Variants in OR1D2 observed in about 807,000 individuals in gnomAD.
The protein encoded by OR1D2 is olfactory receptor 1D2.
For missense variants in OR1D2, 357 were observed against 376.1 expected (o/e 0.95, Z 0.42); for synonymous variants, 157 against 153.9 (o/e 1.02, Z -0.15).
rs957090812 is a variant in OR1D2 at position 3,088,780 on chromosome 17, G to C, written c.*3278C>G. ...CTTTAACTACCAGGCCCAGGGCGTG[G>C]TGACAGGCTGTCTGCCTTTAGATTT... On this transcript the variant is annotated 3_prime_UTR_variant, in exon 2 of 2. Coordinates refer to ENST00000641833, the MANE Select transcript of OR1D2 (RefSeq NM_002548.3). 6.6e-6 allele frequency: 1 copy of C among 152,172 alleles called. No homozygotes were observed. The highest frequency in any genetic ancestry group is 1.5e-5 in the Non-Finnish European group (1 of 68,042). The allele number at this position is 152,172 out of a possible 1,614,324, so 9.4% of individuals were successfully genotyped here.
chr17:3,093,031 A>C lies in OR1D2; in HGVS notation c.-35T>G. On this transcript the variant is annotated 5_prime_UTR_variant, in exon 2 of 2. Coordinates refer to ENST00000641833, the MANE Select transcript of OR1D2 (RefSeq NM_002548.3). ...TCTCTTTTAACATTAACACCAGCAA[A>C]TGTTTACCAAAAGTCCTTAATTGAA... 2 of 1,582,236 alleles carry C rather than the reference A, an allele frequency of 1.3e-6. No homozygotes were observed. The highest frequency in any genetic ancestry group is 1.7e-6 in the Non-Finnish European group (2 of 1,157,572).
Position 3,098,148 on chromosome 17 carries a change from G to A in OR1D2, c.-50-5102C>T, listed in dbSNP as rs529178238. On this transcript the variant is annotated intron_variant, in intron 1 of 1. Coordinates refer to ENST00000641833, the MANE Select transcript of OR1D2 (RefSeq NM_002548.3). ...ATGAGTGGGTTTCCCCTAGTGAAGCGCACACCCCCTTCACCAAGGGACAAA... is the reference window on the plus strand; with the variant it reads ...ATGAGTGGGTTTCCCCTAGTGAAGCACACACCCCCTTCACCAAGGGACAAA... Among the ~76,000 whole-genome samples, 224 of 152,220 alleles carry A rather than the reference G, an allele frequency of 1.5e-3. 2 individuals are homozygous for A. The highest frequency in any genetic ancestry group is 4.9e-3 in the African/African-American group (205 of 41,544).
intron 1 of OR1D2, among the ~76,000 whole-genome samples, chr17:3,098,687 T>A (rs189773965): frequency 2.0e-5 from 3 of 152,206 alleles, no homozygotes; most frequent in Admixed American, 2.0e-4. Flanking sequence ...GATGGCTGAA[T>A]TGACAGAAAT....
chr17:3,098,644 G>A (rs771621516), intron 1 of OR1D2, among the ~76,000 whole-genome samples: 2 of 152,214 alleles, frequency 1.3e-5, no homozygotes, highest in Admixed American at 6.5e-5. Context: ...GCAATACCTC[G>A]CCAGCCAGGA....
intron 1 of OR1D2, among the ~76,000 whole-genome samples, chr17:3,097,249 TA>T (rs1309934309): frequency 1.3e-5 from 2 of 152,148 alleles, no homozygotes; most frequent in Admixed American, 1.3e-4. Context: ...CAATGGACTT[TA>T]AAAAAACTTG....
chr17:3,095,881 T>C (rs2047842661), intron 1 of OR1D2, among the ~76,000 whole-genome samples: 1 of 152,070 alleles, frequency 6.6e-6, no homozygotes, highest in African/African-American at 2.4e-5. Context: ...ACAGAAGGTA[T>C]AGTAGTAATT....
chr17:3,092,115 C>T lies in OR1D2; in HGVS notation c.882G>A (p.Lys294=). The T allele has an allele frequency of 6.2e-7, 1 of 1,614,046 alleles. No homozygotes were observed. Among genetic ancestry groups the T allele is most frequent in the Non-Finnish European group, 8.5e-7 (1 of 1,179,976 alleles). ...MNPFIYSLRN[K]DMHGALGRLL... Reference sequence around the variant, plus strand: ...GTCTTCCCAGAGCCCCATGCATGTCCTTGTTCCTCAGGCTGTAGATGAAGG... The same window carrying T: ...GTCTTCCCAGAGCCCCATGCATGTCTTTGTTCCTCAGGCTGTAGATGAAGG... The change falls in exon 2 of 2, where the codon AAG becomes AAA. Residue 294 remains lysine, a synonymous_variant. Coordinates refer to ENST00000641833, the MANE Select transcript of OR1D2 (RefSeq NM_002548.3).
At chr17:3,101,070 C>A (rs945362005) in intron 1 of OR1D2, among the ~76,000 whole-genome samples, 2 of 152,086 alleles carry the variant, frequency 1.3e-5, no homozygotes, top group Non-Finnish European at 2.9e-5. Context: ...CACATGGATT[C>A]ACAGCCAAAT....
rs914847722 is a variant in OR1D2, at chr17:3,091,278, T to C, written c.*780A>G. 1.3e-5 allele frequency: 2 copies of C among 152,240 alleles called. No homozygotes were observed. The highest frequency in any genetic ancestry group is 2.1e-4 in the South Asian group (1 of 4,834). The allele number at this position is 152,240 out of a possible 1,614,324, so 9.4% of individuals were successfully genotyped here. On this transcript the variant is annotated 3_prime_UTR_variant, in exon 2 of 2. Transcript: ENST00000641833. ...CCGTTTTGAAATATCTTTTACCTGATGTCATTGCAGCAATATTTCACTTAA... is the reference window on the plus strand; with the variant it reads ...CCGTTTTGAAATATCTTTTACCTGACGTCATTGCAGCAATATTTCACTTAA...
intron 1 of OR1D2, among the ~76,000 whole-genome samples, chr17:3,097,537 AC>A (rs2047852392): frequency 1.3e-5 from 2 of 152,178 alleles, no homozygotes; most frequent in South Asian, 4.1e-4. Flanking sequence ...GAACTCTGCA[AC>A]CCACAAATCA....
intron 1 of OR1D2, among the ~76,000 whole-genome samples, chr17:3,098,232 A>G (rs1405790793): frequency 3.9e-5 from 6 of 152,172 alleles, no homozygotes; most frequent in Admixed American, 3.9e-4. Flanking sequence ...ACCCTCCAAC[A>G]GGGGATGTCA....
chr17:3,102,067 TATTA>T (rs370789772), intron 1 of OR1D2, among the ~76,000 whole-genome samples: 100 of 152,334 alleles, frequency 6.6e-4, no homozygotes, highest in Admixed American at 2.4e-3. Context: ...TTACTGTACA[TATTA>T]ATTATTACTG....
intron 1 of OR1D2, among the ~76,000 whole-genome samples, chr17:3,102,604 A>G (rs1567950296): frequency 6.6e-6 from 1 of 152,176 alleles, no homozygotes; most frequent in Non-Finnish European, 1.5e-5. Flanking sequence ...CATTCACTCA[A>G]TCAGAACTGA....
In OR1D2 at chr17:3,088,946, G is replaced by A. The variant is rs981010367; in HGVS notation, c.*3112C>T. The A allele has an allele frequency of 2.0e-5, 3 of 151,118 alleles. No homozygotes were observed. Among genetic ancestry groups the A allele is most frequent in the African/African-American group, 7.3e-5 (3 of 40,978 alleles). The allele number at this position is 151,118 out of a possible 1,614,324, so 9.4% of individuals were successfully genotyped here. ...CCTTTCTCGGGCACCTCCTTGATTA[G>A]CTTAATACTCAACTTTCTGAATTCT... On this transcript the variant is annotated 3_prime_UTR_variant, in exon 2 of 2. Transcript: ENST00000641833.
intron 1 of OR1D2, among the ~76,000 whole-genome samples, chr17:3,102,051 C>T (rs2047877130): frequency 6.6e-6 from 1 of 152,056 alleles, no homozygotes; most frequent in Admixed American, 6.6e-5. Flanking sequence ...AAAATATGTA[C>T]AGTTATTACT....
intron 1 of OR1D2, among the ~76,000 whole-genome samples, chr17:3,093,787 A>C (rs2151707134): frequency 6.6e-6 from 1 of 152,322 alleles, no homozygotes; most frequent in Non-Finnish European, 1.5e-5. Context: ...CGAAACCTTC[A>C]AATTCTCCAG....
In OR1D2 at chr17:3,092,472, G is replaced by A. The variant is rs765876709; in HGVS notation, c.525C>T (p.His175=). ...ATACATACATCTCACAGAAGATGTA[G>A]TGGATTTTTCGTGACCCACAGAAGG... ...RVTFCGSRKI[H]YIFCEMYVLL... Residue 175 remains histidine (H), a synonymous_variant, in exon 2 of 2, where the codon CAC becomes CAT. Transcript: ENST00000641833. 1.2e-6 allele frequency: 2 copies of A among 1,614,218 alleles called. No homozygotes were observed. The highest frequency in any genetic ancestry group is 2.2e-5 in the South Asian group (2 of 91,082).
At chr17:3,099,975 G>T (rs994709180) in intron 1 of OR1D2, among the ~76,000 whole-genome samples, 3 of 152,134 alleles carry the variant, frequency 2.0e-5, no homozygotes, top group African/African-American at 7.2e-5. Flanking sequence ...AACAAGAAAA[G>T]CTAACTATCC....
intron 1 of OR1D2, among the ~76,000 whole-genome samples, chr17:3,094,321 T>C (rs1442750441): frequency 1.3e-5 from 2 of 152,198 alleles, no homozygotes; most frequent in African/African-American, 4.8e-5. Flanking sequence ...TACTATAGTG[T>C]GCCTTTTTTT....
Sources: allele counts gnomAD v4.1 joint callset (sites outside exome capture counted in the v4.1 genomes callset), GRCh38; gene constraint gnomAD v4.1.1; transcripts MANE v1.5; gene names NCBI Gene and HGNC (gene_info 2026-07-23, HGNC 2026-07-21).